STAU2: variants seen among roughly 807,000 people sequenced by gnomAD.
STAU2 encodes double-stranded RNA-binding protein Staufen homolog 2.
STAU2 carries 20 observed loss-of-function variants against 65.9 expected under a neutral mutation model. That is an observed-to-expected ratio of 0.30 (90% CI 0.21 to 0.44). STAU2 has a LOEUF of 0.44. Among genes scored for constraint, STAU2 ranks in the 20% least tolerant of loss-of-function variants. The pLI is 1.00. For missense variants in STAU2, 558 were observed against 683.9 expected, an observed-to-expected ratio of 0.82 and a Z score of 2.05; for synonymous variants, 232 against 233.9, an observed-to-expected ratio of 0.99 and a Z score of 0.07.
chr8:73,734,206 A>AT (rs144820464), intron 3 of STAU2, among the ~76,000 whole-genome samples: 2,647 of 137,592 alleles, frequency 0.019, 83 homozygotes, highest in African/African-American at 0.066. Context: ...ATTTTTTGTG[A>AT]TTTTTTTTGT....
rs576035687 is a variant in STAU2, at chr8:73,559,444, G to A, written c.1223-7125C>T. 3.9e-4 allele frequency among the ~76,000 whole-genome samples: 60 copies of A among 152,290 alleles called. No individual in the cohort carries two copies. In the South Asian group the frequency reaches 0.012, roughly 31 times the overall value. On this transcript the variant is annotated intron_variant, in intron 12 of 14. Transcript: ENST00000524300. ...CCTGCTCCTTGACAACTTTGCTCAC[G>A]GCCTTTGCCTAATGCACAGGCCCTG...
chr8:73,435,928 A>G (rs1356499830), intron 13 of STAU2, among the ~76,000 whole-genome samples: 1 of 151,756 alleles, frequency 6.6e-6, no homozygotes, highest in Non-Finnish European at 1.5e-5. Context: ...TAGGGCAATC[A>G]TGGCTGAGTT....
At chr8:73,516,775 G>C (rs1822751170) in intron 13 of STAU2, among the ~76,000 whole-genome samples, 2 of 152,144 alleles carry the variant, frequency 1.3e-5, no homozygotes, top group South Asian at 4.1e-4. Flanking sequence ...ATACTCTTTA[G>C]GTTGTAAAAG....
At chr8:73,597,505 A>T (rs11774959) in intron 10 of STAU2, among the ~76,000 whole-genome samples, 34 of 96,460 alleles carry the variant, frequency 3.5e-4, no homozygotes, top group Admixed American at 1.4e-3. Context: ...ATACAAAAAT[A>T]AAAAAAAAAA....
At chr8:73,607,408 T>C (rs191826307) in intron 9 of STAU2, among the ~76,000 whole-genome samples, 4 of 152,290 alleles carry the variant, frequency 2.6e-5, no homozygotes, top group Non-Finnish European at 5.9e-5. Context: ...AGTTTATATA[T>C]AGCTTTTTGT....
At chr8:73,722,027 T>C (rs1357389313) in intron 3 of STAU2, among the ~76,000 whole-genome samples, 1 of 152,200 alleles carries the variant, frequency 6.6e-6, no homozygotes, top group Non-Finnish European at 1.5e-5. Flanking sequence ...CCATTTTATC[T>C]CCTTTTTATT....
At chr8:73,512,259 G>C (rs928730617) in intron 13 of STAU2, among the ~76,000 whole-genome samples, 1 of 152,068 alleles carries the variant, frequency 6.6e-6, no homozygotes, top group African/African-American at 2.4e-5. Context: ...CACATTTTAA[G>C]ATCAGCTTGT....
rs1052229155 is a variant in STAU2 at position 73,421,332 on chromosome 8, T to C, written c.*40A>G. The C allele has an allele frequency of 1.3e-6, 2 of 1,517,016 alleles. No individual in the cohort carries two copies. Among genetic ancestry groups the C allele is most frequent in the African/African-American group, 2.8e-5 (2 of 72,572 alleles). The allele number at this position is 1,517,016 out of a possible 1,614,324, so 94.0% of individuals were successfully genotyped here. A position where few individuals can be genotyped will look rare whatever the true frequency, so the allele number is the denominator to read the frequency against. On this transcript the variant is annotated 3_prime_UTR_variant, in exon 15 of 15. Coordinates refer to ENST00000524300, the MANE Select transcript of STAU2 (RefSeq NM_001164380.2). ...AGACACCCTCATGCGTGCTGACAGG[T>C]TTATAAGGATGCGGTGGCAGCCGCG...
intron 13 of STAU2, among the ~76,000 whole-genome samples, chr8:73,516,369 T>G (rs1296002403): frequency 1.3e-5 from 2 of 152,172 alleles, no homozygotes; most frequent in African/African-American, 4.8e-5. Flanking sequence ...CCTTAAAATT[T>G]AATTTTCACA....
intron 13 of STAU2, among the ~76,000 whole-genome samples, chr8:73,452,622 A>G (rs1304785674): frequency 1.3e-5 from 2 of 152,356 alleles, no homozygotes; most frequent in Middle Eastern, 3.4e-3. Context: ...CTGAAGTAGT[A>G]GAATGTGAGT....
chr8:73,597,498 C>CAAAAAAA (rs1259337727), intron 10 of STAU2, among the ~76,000 whole-genome samples: 1 of 115,664 alleles, frequency 8.6e-6, no homozygotes. Flanking sequence ...ACTAAAAATA[C>CAAAAAAA]AAAAATAAAA....
intron 13 of STAU2, among the ~76,000 whole-genome samples, chr8:73,473,075 A>G (rs1253172907): frequency 6.6e-6 from 1 of 152,212 alleles, no homozygotes; most frequent in Non-Finnish European, 1.5e-5. Context: ...CGCCAGCATG[A>G]AGGAGGAAGA....
chr8:73,525,582 C>A (rs1225297915), intron 13 of STAU2, among the ~76,000 whole-genome samples: 1 of 152,140 alleles, frequency 6.6e-6, no homozygotes, highest in Admixed American at 6.6e-5. Flanking sequence ...GAAACAAGGT[C>A]CCAAAGCTAG....
intron 12 of STAU2, among the ~76,000 whole-genome samples, chr8:73,570,540 C>A (rs1480318371): frequency 6.6e-6 from 1 of 152,106 alleles, no homozygotes; most frequent in Non-Finnish European, 1.5e-5. Context: ...TATATTATCC[C>A]AGAGAACTTC....
In STAU2 at chr8:73,722,415, T is replaced by C. The variant is rs760743909; in HGVS notation, c.-17-13253A>G. Among the ~76,000 whole-genome samples, 38 of 152,344 alleles carry C rather than the reference T, an allele frequency of 2.5e-4. No homozygotes were observed. The Middle Eastern group carries it at 0.017, about 68-fold the overall frequency. ...TATCATTTTCCTGCTGTCTGAAGAATTGCTTTTAAATTTTCTTCCAGAGGG... is the reference window on the plus strand; with the variant it reads ...TATCATTTTCCTGCTGTCTGAAGAACTGCTTTTAAATTTTCTTCCAGAGGG... On this transcript the variant is annotated intron_variant, in intron 3 of 14. Transcript: ENST00000524300.
At chr8:73,584,199 C>T (rs1046571531) in intron 11 of STAU2, among the ~76,000 whole-genome samples, 2 of 152,182 alleles carry the variant, frequency 1.3e-5, no homozygotes, top group African/African-American at 4.8e-5. Flanking sequence ...GGGAGCATCT[C>T]TTTCTCTCTC....
chr8:73,564,040 C>T (rs1586012910), intron 12 of STAU2, among the ~76,000 whole-genome samples: 1 of 152,120 alleles, frequency 6.6e-6, no homozygotes, highest in Non-Finnish European at 1.5e-5. Flanking sequence ...CCCACACCAC[C>T]CCCCTAAGTC....
intron 13 of STAU2, among the ~76,000 whole-genome samples, chr8:73,541,999 A>G (rs1396805504): frequency 6.6e-6 from 1 of 152,086 alleles, no homozygotes. Context: ...AAAGGAGAAA[A>G]AGGTAGAAAA....
intron 6 of STAU2, among the ~76,000 whole-genome samples, chr8:73,629,531 C>T (rs1813935072): frequency 6.6e-6 from 1 of 152,162 alleles, no homozygotes. Flanking sequence ...TTTAAAGTAG[C>T]TTCGTAGAAA....
Sources: gnomAD v4.1 joint callset for allele counts (sites outside exome capture counted in the v4.1 genomes callset) on GRCh38, gnomAD v4.1.1 for gene constraint, MANE v1.5 for transcripts, NCBI Gene and HGNC (gene_info 2026-07-23, HGNC 2026-07-21) for gene names.